KCNIP4: variants seen among roughly 807,000 people sequenced by gnomAD.
KCNIP4 encodes potassium voltage-gated channel interacting protein 4, also known as Kv channel-interacting protein 4.
Under a neutral mutation model 34.0 loss-of-function variants are expected in KCNIP4, and 12 were observed. The ratio of observed to expected loss-of-function variants is 0.35; its 90% confidence interval spans 0.23 to 0.57. KCNIP4 has a LOEUF of 0.57. Among genes scored for constraint, KCNIP4 ranks in the 20% least tolerant of loss-of-function variants. The pLI is 0.83. For synonymous variants in KCNIP4, 124 were observed against 102.2 expected (o/e 1.21, Z -1.29); for missense variants, 238 against 311.7 (o/e 0.76, Z 1.78).
intron 2 of KCNIP4, among the ~76,000 whole-genome samples, chr4:20,877,064 G>T (rs1560535793): frequency 6.6e-6 from 1 of 152,126 alleles, no homozygotes; most frequent in Non-Finnish European, 1.5e-5. Flanking sequence ...GCTGACCTTT[G>T]TGGACAATAT....
At chr4:21,732,003 A>G (rs914043357) in intron 1 of KCNIP4, among the ~76,000 whole-genome samples, 2 of 151,276 alleles carry the variant, frequency 1.3e-5, no homozygotes, top group Non-Finnish European at 2.9e-5. Flanking sequence ...AATTCCAAAC[A>G]CACATAAATT....
chr4:20,748,629 A>G (rs1442004813), intron 5 of KCNIP4, among the ~76,000 whole-genome samples: 1 of 144,664 alleles, frequency 6.9e-6, no homozygotes, highest in East Asian at 2.0e-4. Context: ...ATAAATGTAT[A>G]TATGGAAAAG....
chr4:21,441,469 C>T (rs570652696), intron 1 of KCNIP4, among the ~76,000 whole-genome samples: 15 of 152,086 alleles, frequency 9.9e-5, no homozygotes, highest in Non-Finnish European at 1.9e-4. Context: ...TGTCCCTTTC[C>T]CCATTGTTCA....
chr4:21,818,359 T>C (rs1285811497), intron 1 of KCNIP4, among the ~76,000 whole-genome samples: 1 of 152,202 alleles, frequency 6.6e-6, no homozygotes, highest in Non-Finnish European at 1.5e-5. Context: ...CTAACTTATA[T>C]TGTAGAGATG....
chr4:21,022,611 T>C (rs2149750520), intron 1 of KCNIP4, among the ~76,000 whole-genome samples: 1 of 152,316 alleles, frequency 6.6e-6, no homozygotes, highest in East Asian at 1.9e-4. Context: ...GCAAGAAAAT[T>C]TGATTTCTTT....
chr4:21,356,687 A>G (rs994747300), intron 1 of KCNIP4, among the ~76,000 whole-genome samples: 1 of 152,210 alleles, frequency 6.6e-6, no homozygotes, highest in African/African-American at 2.4e-5. Flanking sequence ...AAATGGAGGA[A>G]CATTCCATAT....
chr4:20,988,021 A>AAAAAAAAAAAAAAAAAAAAAAC (rs1736748607), intron 1 of KCNIP4, among the ~76,000 whole-genome samples: 1 of 150,220 alleles, frequency 6.7e-6, no homozygotes. Flanking sequence ...AAAAAAAAAA[A>AAAAAAAAAAAAAAAAAAAAAAC]ATTATAGATA....
At chr4:21,307,671 T>C (rs11938448) in intron 1 of KCNIP4, among the ~76,000 whole-genome samples, 58 of 152,324 alleles carry the variant, frequency 3.8e-4, no homozygotes, top group African/African-American at 1.4e-3. Flanking sequence ...CCTAAAAAGC[T>C]ACCTGCTCTC....
chr4:21,841,936 G>A lies in KCNIP4; in HGVS notation c.61+106635C>T, dbSNP rs1280906984. Among the ~76,000 whole-genome samples, 4 of 152,064 alleles carry A rather than the reference G, an allele frequency of 2.6e-5. No homozygotes were observed. The East Asian group carries it at 7.7e-4, about 29-fold the overall frequency. On this transcript the variant is annotated intron_variant, in intron 1 of 8. Coordinates refer to ENST00000382152, the MANE Select transcript of KCNIP4 (RefSeq NM_025221.6). ...TCTTTTGTGCAGCAGCAGATTAAAG[G>A]TGGCGTCCTTCAGCAGCAAAGTCTA... is the stretch of plus-strand genomic sequence containing the variant.
chr4:21,033,416 T>A (rs532701554), intron 1 of KCNIP4, among the ~76,000 whole-genome samples: 11 of 152,248 alleles, frequency 7.2e-5, no homozygotes, highest in Non-Finnish European at 1.5e-4. Flanking sequence ...CAAGCAGGGC[T>A]ATGTTTTTTG....
intron 1 of KCNIP4, among the ~76,000 whole-genome samples, chr4:20,971,274 C>A (rs1734923090): frequency 6.6e-6 from 1 of 152,114 alleles, no homozygotes; most frequent in Non-Finnish European, 1.5e-5. Flanking sequence ...AAGTATACTT[C>A]TCAGTATGGG....
At chr4:21,782,302 A>T (rs985187405) in intron 1 of KCNIP4, among the ~76,000 whole-genome samples, 1 of 152,228 alleles carries the variant, frequency 6.6e-6, no homozygotes, top group Non-Finnish European at 1.5e-5. Context: ...AGGAGTGGCT[A>T]TTTTAACATA....
chr4:21,144,150 C>A (rs1280142365), intron 1 of KCNIP4, among the ~76,000 whole-genome samples: 1 of 152,104 alleles, frequency 6.6e-6, no homozygotes, highest in Non-Finnish European at 1.5e-5. Context: ...AGAAATACAA[C>A]CCCCTTCTGC....
At position 20,799,561 on chromosome 4, in the gene KCNIP4, G is replaced by C. The variant is rs1390059964; in HGVS notation, c.289-40671C>G. 2.0e-5 allele frequency among the ~76,000 whole-genome samples: 3 copies of C among 152,266 alleles called. No homozygotes were observed. The East Asian group carries it at 5.8e-4, about 29-fold the overall frequency. ...CTCCACCCATCTGAGCTGGTGAGAT[G>C]TCCCACCTTTCCAGGGAATGAAGTC... On this transcript the variant is annotated intron_variant, in intron 3 of 8. Transcript: ENST00000382152.
chr4:21,760,779 G>GAATTC (rs766017682), intron 1 of KCNIP4, among the ~76,000 whole-genome samples: 13 of 152,194 alleles, frequency 8.5e-5, no homozygotes, highest in African/African-American at 2.9e-4. Flanking sequence ...AATTGCTTAA[G>GAATTC]GGTAGCCACA....
At chr4:21,359,308 C>T (rs959540413) in intron 1 of KCNIP4, among the ~76,000 whole-genome samples, 3 of 152,088 alleles carry the variant, frequency 2.0e-5, no homozygotes, top group Admixed American at 6.6e-5. Context: ...GATTAAATTA[C>T]ACCATTGGCA....
chr4:21,912,965 G>C (rs1269695285), intron 1 of KCNIP4, among the ~76,000 whole-genome samples: 2 of 151,914 alleles, frequency 1.3e-5, no homozygotes, highest in Non-Finnish European at 2.9e-5. Context: ...GTAAACTGAA[G>C]AAGACAGGAG....
At chr4:21,005,975 C>T (rs1738520882) in intron 1 of KCNIP4, among the ~76,000 whole-genome samples, 1 of 152,118 alleles carries the variant, frequency 6.6e-6, no homozygotes, top group South Asian at 2.1e-4. Flanking sequence ...TTCTTCGCAC[C>T]TCATGCCCTT....
chr4:20,960,415 C>T (rs1036371), intron 1 of KCNIP4, among the ~76,000 whole-genome samples: 113,453 of 152,134 alleles, frequency 0.75, 42,517 homozygotes, highest in Middle Eastern at 0.82. Context: ...AAAAATCTGT[C>T]GTTTCTCATT....
Sources: allele counts gnomAD v4.1 joint callset (sites outside exome capture counted in the v4.1 genomes callset), GRCh38; gene constraint gnomAD v4.1.1; transcripts MANE v1.5; gene names NCBI Gene and HGNC (gene_info 2026-07-23, HGNC 2026-07-21).